The following RHOBTB3 variants were observed in gnomAD, a reference collection of about 807,000 sequenced individuals.
The protein encoded by RHOBTB3 is Rho related BTB domain containing 3, also known as rho-related BTB domain-containing protein 3.
RHOBTB3 carries 47 observed loss-of-function variants against 67.2 expected under a neutral mutation model. The ratio of observed to expected loss-of-function variants is 0.70; its 90% confidence interval spans 0.55 to 0.89. RHOBTB3 has a LOEUF of 0.89. Ranked by LOEUF, RHOBTB3 falls within the 40% of genes least tolerant of loss-of-function variation. RHOBTB3 has a pLI of 0.00. For missense variants in RHOBTB3, 631 were observed against 750.0 expected (o/e 0.84, Z 1.85); for synonymous variants, 273 against 274.2 (o/e 1.00, Z 0.04).
chr5:95,762,285 GCTGT>G, intron 6 of RHOBTB3, among the ~76,000 whole-genome samples: 1 of 152,206 alleles, frequency 6.6e-6, no homozygotes, highest in Non-Finnish European at 1.5e-5. Flanking sequence ...GCAGGGCTCA[GCTGT>G]AAGAGCCTGA....
rs1745149827 is a variant in RHOBTB3, at chr5:95,753,368, AT to A, written c.682+1020del. ...AGGGTATATGTGTGTTCATTGCATC[AT>A]TCTTTCAACTTTTTTGACTGTTTGA... On this transcript the variant is annotated intron_variant, in intron 5 of 11. Transcript: ENST00000379982. Among the ~76,000 whole-genome samples, 4 of 152,230 alleles carry A rather than the reference AT, an allele frequency of 2.6e-5. No homozygotes were observed. The South Asian group carries it at 8.3e-4, about 32-fold the overall frequency.
intron 11 of RHOBTB3, among the ~76,000 whole-genome samples, chr5:95,792,152 G>T (rs1238780039): frequency 6.6e-6 from 1 of 152,134 alleles, no homozygotes; most frequent in Non-Finnish European, 1.5e-5. Context: ...ATGACTGGCT[G>T]GGTGGGAAGC....
chr5:95,767,186 G>A (rs1745571208), intron 7 of RHOBTB3, among the ~76,000 whole-genome samples: 2 of 151,996 alleles, frequency 1.3e-5, no homozygotes, highest in Admixed American at 1.3e-4. Flanking sequence ...ACTCTAGCCT[G>A]GGCCACAGAG....
intron 8 of RHOBTB3, among the ~76,000 whole-genome samples, chr5:95,774,205 C>G (rs536892707): frequency 6.6e-6 from 1 of 151,856 alleles, no homozygotes; most frequent in East Asian, 1.9e-4. Context: ...GTTGTAAGTG[C>G]TCATTGTAGG....
intron 6 of RHOBTB3, among the ~76,000 whole-genome samples, chr5:95,758,099 A>G (rs1237303576): frequency 6.6e-6 from 1 of 152,232 alleles, no homozygotes; most frequent in African/African-American, 2.4e-5. Context: ...TCAAAGGCAT[A>G]TGAGCACTCT....
At chr5:95,720,963 T>A (rs1167709491) in intron 1 of RHOBTB3, among the ~76,000 whole-genome samples, 1 of 152,240 alleles carries the variant, frequency 6.6e-6, no homozygotes, top group Non-Finnish European at 1.5e-5. Flanking sequence ...GTTCTTCTTA[T>A]GATTTGTCAG....
chr5:95,752,336 A>C lies in RHOBTB3; in HGVS notation c.668A>C (p.Gln223Pro). Residue 223 changes from glutamine to proline, a missense_variant, in exon 5 of 12, where the codon CAA becomes CCA. By Grantham distance (76) the Gln-to-Pro change is moderately conservative. Transcript: ENST00000379982. ...SNSFHGIRPPQLEQPEKMPVL... is the reference protein window; with the variant it reads ...SNSFHGIRPPPLEQPEKMPVL... The stretch of plus-strand genomic sequence containing the variant: ...TCCTTTCATGGAATTAGACCACCTC[A>C]ACTTGAACAACCAGGTGCATTTCTT... 6.3e-7 allele frequency: 1 copy of C among 1,597,806 alleles called. No individual in the cohort carries two copies. Among genetic ancestry groups the C allele is most frequent in the Non-Finnish European group, 8.5e-7 (1 of 1,170,252 alleles).
At chr5:95,763,234 A>G (rs1167447009) in intron 6 of RHOBTB3, among the ~76,000 whole-genome samples, 1 of 152,190 alleles carries the variant, frequency 6.6e-6, no homozygotes, top group Admixed American at 6.5e-5. Flanking sequence ...TATTCTGACC[A>G]TTGCTGTTAT....
At position 95,748,132 on chromosome 5, in the gene RHOBTB3, A is replaced by G. The variant is rs1237522096; in HGVS notation, c.416-201A>G. Among the ~76,000 whole-genome samples the G allele has an allele frequency of 2.0e-5, 3 of 152,192 alleles. No homozygotes were observed. In the East Asian group the frequency reaches 5.8e-4, roughly 29 times the overall value. On this transcript the variant is annotated intron_variant, in intron 3 of 11. Coordinates refer to ENST00000379982, the MANE Select transcript of RHOBTB3 (RefSeq NM_014899.4). ...TTTTCTATTTTCTAAAATACTATTT[A>G]TTATTCTTGCAGTGAATGCTTGTTT...
intron 1 of RHOBTB3, among the ~76,000 whole-genome samples, chr5:95,722,242 G>A (rs1754906654): frequency 6.6e-6 from 1 of 152,122 alleles, no homozygotes; most frequent in Non-Finnish European, 1.5e-5. Context: ...TTTTAGTACA[G>A]TTAAAACATG....
chr5:95,720,414 A>T (rs1754835075), intron 1 of RHOBTB3, among the ~76,000 whole-genome samples: 1 of 152,224 alleles, frequency 6.6e-6, no homozygotes, highest in Non-Finnish European at 1.5e-5. Context: ...ATGCAAAAGG[A>T]CTGAGGAATT....
upstream of RHOBTB3, chr5:95,731,272 G>A (rs979480599): frequency 5.8e-5 from 59 of 1,015,070 alleles, no homozygotes; most frequent in African/African-American, 9.6e-4. Flanking sequence ...CGCTGAGGGG[G>A]CGGAGGCCCC....
intron 1 of RHOBTB3, among the ~76,000 whole-genome samples, chr5:95,722,174 A>G (rs1210865818): frequency 6.6e-6 from 1 of 152,208 alleles, no homozygotes; most frequent in Non-Finnish European, 1.5e-5. Flanking sequence ...GGATGGCCAT[A>G]GCAGAGATGC....
At chr5:95,731,709 A>T (rs1220901610) in intron 1 of RHOBTB3, 25 bp downstream of exon 1, 1 of 1,613,134 alleles carries the variant, frequency 6.2e-7, no homozygotes, top group African/African-American at 1.3e-5. Context: ...CCGTCCTGCC[A>T]TTGTCTCTCT....
At chr5:95,770,900 G>A (rs1333320732) in intron 8 of RHOBTB3, among the ~76,000 whole-genome samples, 2 of 151,784 alleles carry the variant, frequency 1.3e-5, no homozygotes, top group Admixed American at 1.3e-4. Flanking sequence ...TGCTGTCATT[G>A]TCCATGCCTA....
At chr5:95,740,183 A>G (rs1580397814) in intron 3 of RHOBTB3, among the ~76,000 whole-genome samples, 1 of 152,220 alleles carries the variant, frequency 6.6e-6, no homozygotes, top group Non-Finnish European at 1.5e-5. Flanking sequence ...CATCATGATC[A>G]TGAGGCCTCC....
intron 2 of RHOBTB3, among the ~76,000 whole-genome samples, chr5:95,735,436 C>G (rs1428719577): frequency 6.6e-6 from 1 of 152,066 alleles, no homozygotes; most frequent in Admixed American, 6.5e-5. Flanking sequence ...AGAAGAAGCT[C>G]TCTCTTCAGA....
chr5:95,767,896 T>G, intron 7 of RHOBTB3, 150 bp from the exon 8 acceptor site: 1 of 792,432 alleles, frequency 1.3e-6, no homozygotes, highest in Non-Finnish European at 2.2e-6. Context: ...TAAAGGTAAG[T>G]TCCTTTGAAA....
At position 95,755,678 on chromosome 5, in the gene RHOBTB3, C is replaced by T. The variant is rs1031812301; in HGVS notation, c.965C>T (p.Ser322Leu). The T allele has an allele frequency of 6.2e-7, 1 of 1,614,140 alleles. No homozygotes were observed. Among genetic ancestry groups the T allele is most frequent in the South Asian group, 1.1e-5 (1 of 91,076 alleles). Reference protein sequence around the residue: ...TAFPGASHESSGNPPLRVIVK... With the variant: ...TAFPGASHESLGNPPLRVIVK... ...TTTCCAGGTGCTAGCCATGAATCTT[C>T]AGGCAACCCACCATTACGAGTCATT... Residue 322 changes from serine to leucine, a missense_variant, in exon 6 of 12, where the codon TCA (serine) becomes TTA (leucine). Physicochemically the swap from Ser to Leu is moderately radical, Grantham distance 145. Coordinates refer to ENST00000379982, the MANE Select transcript of RHOBTB3 (RefSeq NM_014899.4).
Sources: gnomAD v4.1 joint callset for allele counts (sites outside exome capture counted in the v4.1 genomes callset) on GRCh38, gnomAD v4.1.1 for gene constraint, MANE v1.5 for transcripts, NCBI Gene and HGNC (gene_info 2026-07-23, HGNC 2026-07-21) for gene names.